CNTLN: variants seen among roughly 807,000 people sequenced by gnomAD.
The protein encoded by CNTLN is centlein, centrosomal protein.
Under a neutral mutation model 180.0 loss-of-function variants are expected in CNTLN, and 212 were observed. The observed-to-expected ratio is 1.18, with a 90% confidence interval of 1.05 to 1.32. The LOEUF (loss-of-function observed/expected upper bound fraction) is 1.32, where lower values mean the gene tolerates loss of function less well. Ranked by LOEUF, CNTLN falls within the 40% of genes most tolerant of loss-of-function variation. The pLI is 0.00. For missense variants in CNTLN, 2,095 were observed against 1,610.9 expected, an observed-to-expected ratio of 1.30 and a Z score of -5.14; for synonymous variants, 722 against 563.1, an observed-to-expected ratio of 1.28 and a Z score of -3.99.
intron 18 of CNTLN, among the ~76,000 whole-genome samples, chr9:17,433,578 G>C (rs1026565643): frequency 6.6e-6 from 1 of 151,622 alleles, no homozygotes; most frequent in Non-Finnish European, 1.5e-5. Flanking sequence ...GAGCCACCGC[G>C]CCCAGCCCTA....
Position 17,259,206 on chromosome 9 carries a change from G to A in CNTLN, c.850-14527G>A, listed in dbSNP as rs1587371206. 4.0e-5 allele frequency among the ~76,000 whole-genome samples: 6 copies of A among 149,900 alleles called. No homozygotes were observed. In the South Asian group the frequency reaches 1.1e-3, roughly 26 times the overall value. On this transcript the variant is annotated intron_variant, in intron 5 of 25. Coordinates refer to ENST00000380647, the MANE Select transcript of CNTLN (RefSeq NM_017738.4). ...GAAGGGTTGTTGAATTTTGTACAAA[G>A]GCCTTTTCTGCATCTATTGAGATAA...
rs12335626 is a variant in CNTLN at position 17,417,721 on chromosome 9, G to A, written c.3114+1532G>A. The stretch of plus-strand genomic sequence containing the variant: ...GAGTTCCTTAAATTGCATACACTAT[G>A]AGAAAAATAAAAATAGTACCCTAGG... On this transcript the variant is annotated intron_variant, in intron 18 of 25. Transcript: ENST00000380647. Among the ~76,000 whole-genome samples the A allele has an allele frequency of 6.8e-3, 1,035 of 152,080 alleles. 10 individuals carry two copies. Among genetic ancestry groups the A allele is most frequent in the African/African-American group, 0.023 (955 of 41,554 alleles).
chr9:17,518,710 G>A, the CNTLN span, among the ~76,000 whole-genome samples: 1 of 152,248 alleles, frequency 6.6e-6, no homozygotes, highest in East Asian at 1.9e-4. Flanking sequence ...AAATGTGAGT[G>A]TAAGTACCAT....
At chr9:17,345,710 T>C (rs1448476339) in intron 12 of CNTLN, among the ~76,000 whole-genome samples, 1 of 152,104 alleles carries the variant, frequency 6.6e-6, no homozygotes, top group African/African-American at 2.4e-5. Flanking sequence ...TCTAATTACA[T>C]TGAGAACCTC....
chr9:17,327,656 T>C (rs1232150256), intron 8 of CNTLN, among the ~76,000 whole-genome samples: 1 of 152,182 alleles, frequency 6.6e-6, no homozygotes, highest in African/African-American at 2.4e-5. Flanking sequence ...AATATTTCTA[T>C]TTTGAAAAGC....
intron 5 of CNTLN, 26 bp downstream of exon 5, chr9:17,236,614 C>T: frequency 1.3e-6 from 2 of 1,554,476 alleles, no homozygotes; most frequent in Non-Finnish European, 1.7e-6. Flanking sequence ...GGAATCCATA[C>T]TCCTCTTTTG....
chr9:17,330,510 G>C, intron 8 of CNTLN, 122 bp from the exon 9 acceptor site: 1 of 518,702 alleles, frequency 1.9e-6, no homozygotes, highest in East Asian at 3.5e-5. Flanking sequence ...TTATTAAAAG[G>C]AAAATTTCCT....
At chr9:17,183,851 A>G (rs1821271087) in intron 2 of CNTLN, among the ~76,000 whole-genome samples, 1 of 152,046 alleles carries the variant, frequency 6.6e-6, no homozygotes, top group South Asian at 2.1e-4. Context: ...TTGCATAGTA[A>G]AGATAGTATT....
At chr9:17,322,876 A>G (rs910262941) in intron 8 of CNTLN, among the ~76,000 whole-genome samples, 11 of 152,202 alleles carry the variant, frequency 7.2e-5, no homozygotes, top group East Asian at 1.9e-4. Context: ...TATAAAACCT[A>G]TGATTGCCTT....
chr9:17,339,376 A>G (rs760264685), intron 10 of CNTLN, among the ~76,000 whole-genome samples: 1 of 152,198 alleles, frequency 6.6e-6, no homozygotes, highest in Non-Finnish European at 1.5e-5. Flanking sequence ...GGAAAAGGAG[A>G]CTGAAAGAAG....
intron 12 of CNTLN, among the ~76,000 whole-genome samples, chr9:17,359,717 T>TAAAAAAAAGAA (rs1456379699): frequency 7.4e-5 from 1 of 13,478 alleles, no homozygotes; most frequent in Non-Finnish European, 1.7e-4. Context: ...CCGTCTATAC[T>TAAAAAAAAGAA]AAAAATACAA....
the CNTLN span, among the ~76,000 whole-genome samples, chr9:17,517,973 T>C: frequency 3.3e-5 from 5 of 151,364 alleles, no homozygotes; most frequent in South Asian, 4.2e-4. Flanking sequence ...CTCTTTAGGC[T>C]TTTTTTCTTC....
chr9:17,160,749 C>G (rs535752618), intron 2 of CNTLN, among the ~76,000 whole-genome samples: 2 of 152,110 alleles, frequency 1.3e-5, no homozygotes, highest in Non-Finnish European at 2.9e-5. Context: ...CTAGGACTTT[C>G]TTAATGAATA....
intron 8 of CNTLN, among the ~76,000 whole-genome samples, chr9:17,316,226 T>C (rs904747166): frequency 3.9e-5 from 6 of 152,092 alleles, no homozygotes; most frequent in African/African-American, 1.4e-4. Flanking sequence ...TCTTAAAGTC[T>C]ATTTTGTCTG....
chr9:17,364,906 G>A (rs1823683468), intron 12 of CNTLN, among the ~76,000 whole-genome samples: 1 of 152,146 alleles, frequency 6.6e-6, no homozygotes, highest in African/African-American at 2.4e-5. Context: ...GATATCATGT[G>A]GTTGACTCTG....
chr9:17,332,621 G>A lies in CNTLN; in HGVS notation c.1535G>A (p.Arg512His), dbSNP rs1820720240. Residue 512 changes from arginine to histidine, a missense_variant, in exon 10 of 26, where the codon CGT (arginine) becomes CAT (histidine). Coordinates refer to ENST00000380647, the MANE Select transcript of CNTLN (RefSeq NM_017738.4). ...ATTCTCGAGGAACCACCTGTGAAAC[G>A]TTCAAGGTCTTTGTCCCCAAAGAGC... ...EGKHKEPPVKRSRSLSPKSSF... is the reference protein window; with the variant it reads ...EGKHKEPPVKHSRSLSPKSSF... 3.7e-6 allele frequency: 6 copies of A among 1,607,090 alleles called. No individual in the cohort carries two copies. The South Asian group carries it at 5.6e-5, about 15-fold the overall frequency.
In CNTLN at chr9:17,366,808, C is replaced by T. The variant is rs1011583414; in HGVS notation, c.1987+91C>T. On this transcript the variant is annotated intron_variant, in intron 13 of 25. Coordinates refer to ENST00000380647, the MANE Select transcript of CNTLN (RefSeq NM_017738.4). The stretch of plus-strand genomic sequence containing the variant: ...GTTTCAATTTCTTTTAAGAATCTTA[C>T]CCTTTTTGTTTCTTTTCCAACACTT... The T allele has an allele frequency of 9.5e-6, 7 of 739,520 alleles. No homozygotes were observed. The African/African-American group carries it at 1.3e-4, about 14-fold the overall frequency. The allele number at this position is 739,520 out of a possible 1,614,324, so 45.8% of individuals were successfully genotyped here.
chr9:17,214,724 T>TCC (rs1823606067), intron 2 of CNTLN, among the ~76,000 whole-genome samples: 2 of 152,240 alleles, frequency 1.3e-5, no homozygotes, highest in Non-Finnish European at 2.9e-5. Context: ...TTTCACATAG[T>TCC]CATGTATTTC....
chr9:17,431,463 C>T (rs540523103), intron 18 of CNTLN, among the ~76,000 whole-genome samples: 2 of 152,118 alleles, frequency 1.3e-5, no homozygotes, highest in African/African-American at 4.8e-5. Context: ...CAGATGGATA[C>T]TTTGCAAATA....
Sources: allele counts gnomAD v4.1 joint callset (sites outside exome capture counted in the v4.1 genomes callset), GRCh38; gene constraint gnomAD v4.1.1; transcripts MANE v1.5; gene names NCBI Gene and HGNC (gene_info 2026-07-23, HGNC 2026-07-21).